Variants in SLC30A7 observed in about 807,000 individuals in gnomAD.
SLC30A7 encodes the protein zinc transporter 7.
SLC30A7 carries 35 observed loss-of-function variants against 46.0 expected under a neutral mutation model. That is an observed-to-expected ratio of 0.76 (90% CI 0.58 to 1.01). SLC30A7 has a LOEUF of 1.01. Among genes scored for constraint, SLC30A7 ranks in the 50% least tolerant of loss-of-function variants. The pLI, the probability that SLC30A7 is intolerant of heterozygous loss-of-function variation, is 0.00. For synonymous variants in SLC30A7, 147 were observed against 157.8 expected (o/e 0.93, Z 0.51); for missense variants, 464 against 451.1 (o/e 1.03, Z -0.26).
At chr1:100,961,121 A>T (rs1655525959) in intron 8 of SLC30A7, among the ~76,000 whole-genome samples, 1 of 141,598 alleles carries the variant, frequency 7.1e-6, no homozygotes, top group African/African-American at 2.6e-5. Context: ...TGCCCGGCTG[A>T]TTTTTTTTTT....
intron 9 of SLC30A7, among the ~76,000 whole-genome samples, chr1:100,963,226 C>G (rs943468917): frequency 6.6e-6 from 1 of 152,152 alleles, no homozygotes; most frequent in Non-Finnish European, 1.5e-5. Flanking sequence ...TAGTTCTACT[C>G]TTTTAGCTCT....
chr1:100,912,014 A>C lies in SLC30A7; in HGVS notation c.385-98A>C, dbSNP rs572083531. On this transcript the variant is annotated intron_variant, in intron 4 of 10. Transcript: ENST00000357650. ...GATTTTTTTTAGTGTTTTTAATTCC[A>C]AAAATAACTGAAAGTGTTTAATGTT... The C allele has an allele frequency of 3.5e-6, 4 of 1,131,336 alleles. No individual in the cohort carries two copies. The South Asian group carries it at 7.0e-5, about 20-fold the overall frequency. The allele number at this position is 1,131,336 out of a possible 1,614,324, so 70.1% of individuals were successfully genotyped here.
intron 8 of SLC30A7, among the ~76,000 whole-genome samples, chr1:100,922,446 C>T (rs1653008462): frequency 6.6e-6 from 1 of 152,106 alleles, no homozygotes; most frequent in Non-Finnish European, 1.5e-5. Flanking sequence ...AATATATTCA[C>T]TATAGTTAGT....
rs1275629817 is a variant in SLC30A7 at position 100,896,455 on chromosome 1, CT to C, written c.80+114del. 8.3e-6 allele frequency: 12 copies of C among 1,438,646 alleles called. No homozygotes were observed. The East Asian group carries it at 2.5e-4, about 30-fold the overall frequency. 89.1% of individuals were successfully genotyped at this position (1,438,646 alleles called of 1,614,324 possible). On this transcript the variant is annotated intron_variant, in intron 1 of 10. Transcript: ENST00000357650. The stretch of plus-strand genomic sequence containing the variant: ...AGAGTCAAAAACTCCCCGTCAACCC[CT>C]AGCTGTGAAGAAAGGAGCATGTGAA...
chr1:100,940,480 A>C (rs1654272713), intron 8 of SLC30A7, among the ~76,000 whole-genome samples: 1 of 152,226 alleles, frequency 6.6e-6, no homozygotes, highest in African/African-American at 2.4e-5. Context: ...CACAAGACAC[A>C]ATAAATTAGA....
intron 2 of SLC30A7, among the ~76,000 whole-genome samples, chr1:100,906,409 C>T (rs115054392): frequency 0.023 from 3,455 of 152,266 alleles, 120 homozygotes; most frequent in African/African-American, 0.075. Flanking sequence ...CCCAGCCTGT[C>T]CCCACTGTCC....
At chr1:100,921,213 G>A (rs1652912060) in intron 7 of SLC30A7, among the ~76,000 whole-genome samples, 1 of 152,154 alleles carries the variant, frequency 6.6e-6, no homozygotes, top group East Asian at 1.9e-4. Context: ...TAATTAATAA[G>A]TGTAACAGGA....
At chr1:100,911,671 T>C (rs1006189550) in intron 4 of SLC30A7, among the ~76,000 whole-genome samples, 1 of 152,172 alleles carries the variant, frequency 6.6e-6, no homozygotes, top group East Asian at 1.9e-4. Flanking sequence ...TTCCTCAGCC[T>C]CCTGAGTAGC....
intron 8 of SLC30A7, among the ~76,000 whole-genome samples, chr1:100,930,178 A>G (rs755119608): frequency 6.6e-6 from 1 of 152,004 alleles, no homozygotes; most frequent in Non-Finnish European, 1.5e-5. Flanking sequence ...ATTTTCTGCA[A>G]CTCACCAGTT....
chr1:100,967,348 C>T (rs1655923690), intron 10 of SLC30A7, among the ~76,000 whole-genome samples: 1 of 151,994 alleles, frequency 6.6e-6, no homozygotes, highest in African/African-American at 2.4e-5. Flanking sequence ...ATTAGATTCT[C>T]ATAAAGAGCA....
intron 2 of SLC30A7, among the ~76,000 whole-genome samples, chr1:100,904,757 A>G (rs933793498): frequency 2.0e-5 from 3 of 152,182 alleles, no homozygotes; most frequent in Admixed American, 6.5e-5. Context: ...TGCCCAAGCT[A>G]TAGACTGCTG....
chr1:100,963,779 G>A (rs1196251746), intron 9 of SLC30A7, among the ~76,000 whole-genome samples: 1 of 152,128 alleles, frequency 6.6e-6, no homozygotes, highest in African/African-American at 2.4e-5. Flanking sequence ...TATGTCTAGT[G>A]ACTTTTGAAT....
chr1:100,951,922 C>T (rs1187176563), intron 8 of SLC30A7, among the ~76,000 whole-genome samples: 1 of 152,064 alleles, frequency 6.6e-6, no homozygotes, highest in Non-Finnish European at 1.5e-5. Context: ...TCTGTATTAT[C>T]CAAGTGGGCC....
chr1:100,983,389 A>AC (rs1285868388), downstream of SLC30A7, among the ~76,000 whole-genome samples: 1 of 114,090 alleles, frequency 8.8e-6, no homozygotes, highest in African/African-American at 2.9e-5. Context: ...AAAAAAAAAA[A>AC]ACAAAACAAA....
intron 10 of SLC30A7, among the ~76,000 whole-genome samples, chr1:100,969,332 C>T (rs1477412935): frequency 6.6e-6 from 1 of 152,118 alleles, no homozygotes; most frequent in African/African-American, 2.4e-5. Flanking sequence ...TTATTTTTCC[C>T]TCCTTTACCT....
chr1:100,941,534 T>A (rs1654349014), intron 8 of SLC30A7: 4 of 546,428 alleles, frequency 7.3e-6, no homozygotes, highest in Admixed American at 4.0e-5. Flanking sequence ...TTTCTTGCCA[T>A]TGCCTTGGTC....
chr1:100,930,893 C>T (rs570075624), intron 8 of SLC30A7, among the ~76,000 whole-genome samples: 3 of 152,196 alleles, frequency 2.0e-5, no homozygotes, highest in Non-Finnish European at 4.4e-5. Flanking sequence ...GTCTAACAGC[C>T]TTTCTCAATT....
intron 7 of SLC30A7, among the ~76,000 whole-genome samples, chr1:100,920,837 T>C (rs920325511): frequency 6.6e-6 from 1 of 152,034 alleles, no homozygotes; most frequent in Non-Finnish European, 1.5e-5. Context: ...GATGATGGTA[T>C]TGAATAATGT....
Position 100,960,947 on chromosome 1 carries a change from G to GTTT in SLC30A7, c.843-859_843-857dup, listed in dbSNP as rs11354218. On this transcript the variant is annotated intron_variant, in intron 8 of 10. Coordinates refer to ENST00000357650, the MANE Select transcript of SLC30A7 (RefSeq NM_133496.5). Reference sequence around the variant, plus strand: ...CATTCTACTATTAATTGTTTTGTGTGTTTTTTTTTTTTTTTTTTTTTTTTA... The same window carrying GTTT: ...CATTCTACTATTAATTGTTTTGTGTGTTTTTTTTTTTTTTTTTTTTTTTTTTTA... Among the ~76,000 whole-genome samples the GTTT allele has an allele frequency of 1.5e-3, 126 of 86,296 alleles. 1 individual carries two copies. The highest frequency in any genetic ancestry group is 5.1e-3 in the African/African-American group (108 of 21,112). 56.6% of individuals were successfully genotyped at this position (86,296 alleles called of 152,430 possible).
Sources: allele counts gnomAD v4.1 joint callset (sites outside exome capture counted in the v4.1 genomes callset), GRCh38; gene constraint gnomAD v4.1.1; transcripts MANE v1.5; gene names NCBI Gene and HGNC (gene_info 2026-07-23, HGNC 2026-07-21).